DMAC2: variants seen among roughly 807,000 people sequenced by gnomAD.
DMAC2 encodes distal membrane-arm assembly complex protein 2.
DMAC2 carries 32 observed loss-of-function variants against 29.6 expected under a neutral mutation model. That is an observed-to-expected ratio of 1.08 (90% CI 0.81 to 1.45). The LOEUF (loss-of-function observed/expected upper bound fraction) is 1.45. Among genes scored for constraint, DMAC2 ranks in the 40% most tolerant of loss-of-function variants. The pLI, the probability that DMAC2 is intolerant of heterozygous loss-of-function variation, is 0.00. For synonymous variants in DMAC2, 133 were observed against 137.4 expected (o/e 0.97, Z 0.23); for missense variants, 319 against 340.0 (o/e 0.94, Z 0.49).
intron 3 of DMAC2, among the ~76,000 whole-genome samples, chr19:41,433,892 G>A (rs1302062807): frequency 6.6e-6 from 1 of 151,758 alleles, no homozygotes; most frequent in Non-Finnish European, 1.5e-5. Flanking sequence ...GAGTTCAGGA[G>A]TTTGAGACCA....
chr19:41,438,211 T>G lies in DMAC2; in HGVS notation c.215+7A>C, dbSNP rs1555771748. 1.2e-6 allele frequency: 2 copies of G among 1,612,000 alleles called. No individual in the cohort carries two copies. The highest frequency in any genetic ancestry group is 1.7e-4 in the Middle Eastern group (1 of 6,044). On this transcript the variant is annotated splice_region_variant and intron_variant, in intron 2 of 5. Coordinates refer to ENST00000221943, the MANE Select transcript of DMAC2 (RefSeq NM_018035.3). ...TCCACAGGGTCTTGCAGACCAGGGA[T>G]TCTCACCGATTTTTCTCATGCACCT...
Position 41,431,698 on chromosome 19 carries a change from A to G in DMAC2, c.*533T>C, listed in dbSNP as rs1219046060. 6 of 235,630 alleles carry G rather than the reference A, an allele frequency of 2.5e-5. No homozygotes were observed. The highest frequency in any genetic ancestry group is 5.1e-5 in the Non-Finnish European group (6 of 117,262). The allele number at this position is 235,630 out of a possible 1,614,324, so 14.6% of individuals were successfully genotyped here. On this transcript the variant is annotated 3_prime_UTR_variant, in exon 6 of 6. Transcript: ENST00000221943. The stretch of plus-strand genomic sequence containing the variant: ...CCCTTTCAAAAAACAGCCAACTGAA[A>G]AAGCTGAATTTGGAACATAAAGTCA...
chr19:41,439,707 C>T (rs1196528913), intron 1 of DMAC2, 175 bp downstream of exon 1: 17 of 1,327,214 alleles, frequency 1.3e-5, no homozygotes, highest in Middle Eastern at 2.2e-4. Context: ...CTGCGACCCT[C>T]ACAGATCCTT....
chr19:41,434,384 G>C (rs1171339367), intron 3 of DMAC2, among the ~76,000 whole-genome samples: 2 of 141,418 alleles, frequency 1.4e-5, no homozygotes, highest in African/African-American at 5.6e-5. Context: ...CTCCAGCCTG[G>C]GAGACCCTAT....
Position 41,432,356 on chromosome 19 carries a change from G to C in DMAC2, c.649C>G (p.Leu217Val), listed in dbSNP as rs377558416. The part of the protein sequence containing the change: ...SDLPAVSNPG[L>V]TQILVEEMLP... ...ATCTCCTCCACCAATATCTGAGTGAGGCCAGGGTTGGACACGGCAGGGAGG... is the reference window on the plus strand; with the variant it reads ...ATCTCCTCCACCAATATCTGAGTGACGCCAGGGTTGGACACGGCAGGGAGG... Residue 217 changes from leucine (L) to valine (V), a missense_variant, in exon 6 of 6, where the codon CTC (leucine) becomes GTC (valine). Leu to Val is a conservative substitution (Grantham distance 32). Coordinates refer to ENST00000221943, the MANE Select transcript of DMAC2 (RefSeq NM_018035.3). The C allele has an allele frequency of 4.1e-5, 66 of 1,614,050 alleles. No homozygotes were observed. Among genetic ancestry groups the C allele is most frequent in the South Asian group, 2.2e-4 (20 of 91,094 alleles).
chr19:41,433,951 T>C (rs868957145), intron 3 of DMAC2, among the ~76,000 whole-genome samples: 1 of 151,626 alleles, frequency 6.6e-6, no homozygotes, highest in African/African-American at 2.4e-5. Flanking sequence ...ATACAAAAAT[T>C]GGCCAGGTGC....
intron 5 of DMAC2, chr19:41,432,722 T>TGC (rs1451071626): frequency 2.5e-6 from 1 of 406,616 alleles, no homozygotes; most frequent in Non-Finnish European, 4.4e-6. Context: ...TGTGTGTGTG[T>TGC]GTGTGTGTAG....
In DMAC2 at chr19:41,431,444, T is replaced by C; in HGVS notation, c.*787A>G. ...ATCCATTTGGGGTGCTGGGGAACGT[T>C]ATTCCCAGAGAGGTGCCTCAGTGGA... On this transcript the variant is annotated 3_prime_UTR_variant, in exon 6 of 6. Transcript: ENST00000221943. The C allele has an allele frequency of 2.5e-6, 1 of 405,972 alleles. No homozygotes were observed. The allele number at this position is 405,972 out of a possible 1,614,324, so 25.1% of individuals were successfully genotyped here. A position where few individuals can be genotyped will look rare whatever the true frequency, so the allele number is the denominator to read the frequency against.
chr19:41,439,580 T>A lies in DMAC2; in HGVS notation c.18+302A>T, dbSNP rs374426673. The A allele has an allele frequency of 6.6e-4, 1,014 of 1,526,640 alleles. 16 individuals are homozygous for A. The South Asian group carries it at 0.01, about 15-fold the overall frequency. The allele number at this position is 1,526,640 out of a possible 1,614,324, so 94.6% of individuals were successfully genotyped here. A position where few individuals can be genotyped will look rare whatever the true frequency, so the allele number is the denominator to read the frequency against. ...CTTGCCTGTCCATTAGCTCCTTGTG[T>A]CATCCCTCCCTCTGATTGGTTAGTC... On this transcript the variant is annotated intron_variant, in intron 1 of 5. Coordinates refer to ENST00000221943, the MANE Select transcript of DMAC2 (RefSeq NM_018035.3).
intron 1 of DMAC2, chr19:41,439,431 GT>G: frequency 6.7e-7 from 1 of 1,491,898 alleles, no homozygotes; most frequent in Non-Finnish European, 9.0e-7. Flanking sequence ...ATGCTTTTGA[GT>G]TTTCTGTAAA....
At chr19:41,439,731 A>C (rs2040056925) in intron 1 of DMAC2, 151 bp downstream of exon 1, 3 of 1,387,254 alleles carry the variant, frequency 2.2e-6, no homozygotes, top group Admixed American at 1.9e-5. Context: ...GGCCCCCACT[A>C]GCCACAGGTT....
chr19:41,432,674 G>GTGTGTGTGTGTGTGTGTGTGTA (rs1349870222), intron 5 of DMAC2: 3 of 366,046 alleles, frequency 8.2e-6, no homozygotes, highest in East Asian at 1.4e-4. Context: ...GTGTGTGTGT[G>GTGTGTGTGTGTGTGTGTGTGTA]TGTATAGGGA....
intron 1 of DMAC2, chr19:41,439,448 G>A (rs2040038268): frequency 6.6e-7 from 1 of 1,524,862 alleles, no homozygotes; most frequent in South Asian, 1.2e-5. Flanking sequence ...GTAAAAATTC[G>A]TCAATCTCCC....
chr19:41,439,065 G>T (rs1555772159), intron 1 of DMAC2: 1 of 192,788 alleles, frequency 5.2e-6, no homozygotes, highest in Non-Finnish European at 1.1e-5. Flanking sequence ...GGACACCCCT[G>T]AACCGAGAAG....
At chr19:41,433,778 T>G in intron 3 of DMAC2, 105 bp from the exon 4 acceptor site, 1 of 1,434,702 alleles carries the variant, frequency 7.0e-7, no homozygotes. Flanking sequence ...AGGTCACCCT[T>G]GACATAACTA....
intron 3 of DMAC2, among the ~76,000 whole-genome samples, chr19:41,434,234 CA>C (rs376069477): frequency 9.4e-4 from 133 of 141,964 alleles, no homozygotes; most frequent in South Asian, 2.0e-3. Flanking sequence ...GACTCCATCT[CA>C]AAAAAAAAAC....
At chr19:41,433,716 C>T in intron 3 of DMAC2, 43 bp from the exon 4 acceptor site, 2 of 1,612,818 alleles carry the variant, frequency 1.2e-6, no homozygotes, top group Admixed American at 1.7e-5. Flanking sequence ...CCTGAACCTG[C>T]CCCAGGCCTC....
chr19:41,435,869 C>CTT (rs782272339), intron 3 of DMAC2, among the ~76,000 whole-genome samples: 4 of 142,192 alleles, frequency 2.8e-5, no homozygotes, highest in Non-Finnish European at 6.2e-5. Flanking sequence ...TCCGTTCAGT[C>CTT]TTTTTTTTTT....
rs2122252317 is a variant in DMAC2 at position 41,436,449 on chromosome 19, T to C, written c.239A>G (p.Gln80Arg). Residue 80 changes from glutamine (Q) to arginine (R), a missense_variant, in exon 3 of 6, where the codon CAA (glutamine) becomes CGA (arginine). Transcript: ENST00000221943. The stretch of plus-strand genomic sequence containing the variant: ...GGCACCTGCGCCGTATGGACCATGT[T>C]GCTTCTCCAGCCAGGTGTAAGATCT... ...KNRSYTWLEK[Q>R]HGPYGAGAFF... 1.2e-6 allele frequency: 2 copies of C among 1,614,182 alleles called. No individual in the cohort carries two copies. Among genetic ancestry groups the C allele is most frequent in the East Asian group, 4.5e-5 (2 of 44,888 alleles).
Sources: allele counts gnomAD v4.1 joint callset (sites outside exome capture counted in the v4.1 genomes callset), GRCh38; gene constraint gnomAD v4.1.1; transcripts MANE v1.5; gene names NCBI Gene and HGNC (gene_info 2026-07-23, HGNC 2026-07-21).